ZHX1: variants seen among roughly 807,000 people sequenced by gnomAD.
ZHX1 encodes the protein zinc fingers and homeoboxes protein 1.
ZHX1 carries 20 observed loss-of-function variants against 61.8 expected under a neutral mutation model. The observed-to-expected ratio is 0.32, with a 90% CI of 0.23 to 0.47. The LOEUF (loss-of-function observed/expected upper bound fraction) is 0.47, where lower values mean the gene tolerates loss of function less well. ZHX1 is among the 20% of genes least tolerant of loss of function. The pLI is 1.00. For missense variants in ZHX1, 800 were observed against 1,034.8 expected, an observed-to-expected ratio of 0.77 and a Z score of 3.11; for synonymous variants, 318 against 352.6, an observed-to-expected ratio of 0.90 and a Z score of 1.10.
chr8:123,275,006 C>T (rs1586837993), upstream of ZHX1, among the ~76,000 whole-genome samples: 1 of 152,274 alleles, frequency 6.6e-6, no homozygotes, highest in African/African-American at 2.4e-5. Context: ...TCGCTTCGGA[C>T]CCCGCTCCTC....
chr8:123,275,203 C>T (rs947558608), upstream of ZHX1: 2 of 152,444 alleles, frequency 1.3e-5, no homozygotes, highest in African/African-American at 4.8e-5. Flanking sequence ...GAACCAGCCC[C>T]GCAGCGGGGC....
At chr8:123,272,517 T>C (rs1388356195) in intron 1 of ZHX1, among the ~76,000 whole-genome samples, 2 of 152,218 alleles carry the variant, frequency 1.3e-5, no homozygotes, top group African/African-American at 4.8e-5. Flanking sequence ...ATTGCTACTT[T>C]AGAAATTAAA....
Position 123,248,749 on chromosome 8 carries a change from T to C in ZHX1, c.*1575A>G, listed in dbSNP as rs892837830. On this transcript the variant is annotated 3_prime_UTR_variant, in exon 4 of 4. Coordinates refer to ENST00000395571, the MANE Select transcript of ZHX1 (RefSeq NM_007222.5). ...ACTCAGACCACATTAGCAATGTTTATAAAAGGGAGCAATTTAATCATTATA... is the reference window on the plus strand; with the variant it reads ...ACTCAGACCACATTAGCAATGTTTACAAAAGGGAGCAATTTAATCATTATA... 2.6e-5 allele frequency: 4 copies of C among 152,386 alleles called. No homozygotes were observed. Among genetic ancestry groups the C allele is most frequent in the Admixed American group, 1.3e-4 (2 of 15,252 alleles). The allele number at this position is 152,386 out of a possible 1,614,324, so 9.4% of individuals were successfully genotyped here.
In ZHX1 at chr8:123,253,897, A is replaced by G. The variant is rs746467900; in HGVS notation, c.2050T>C (p.Trp684Arg). The G allele has an allele frequency of 6.2e-7, 1 of 1,614,132 alleles. No individual in the cohort carries two copies. The highest frequency in any genetic ancestry group is 8.5e-7 in the Non-Finnish European group (1 of 1,180,010). The change falls in exon 3 of 4, where the codon TGG becomes CGG. Residue 684 changes from tryptophan (W) to arginine (R), a missense_variant. Transcript: ENST00000395571. ...TTGTCATACTCTTCTGGTGATGGCC[A>G]CTGTGTCCGGACAAATGCACTCTTA... ...MLKSAFVRTQ[W>R]PSPEEYDKLA...
At chr8:123,273,380 A>C (rs901342800) in intron 1 of ZHX1, among the ~76,000 whole-genome samples, 4 of 151,926 alleles carry the variant, frequency 2.6e-5, no homozygotes, top group Admixed American at 6.6e-5. Context: ...ATACCCCTTG[A>C]GGTATTAGTA....
chr8:123,262,210 G>T (rs1363089499), intron 2 of ZHX1, among the ~76,000 whole-genome samples: 1 of 152,078 alleles, frequency 6.6e-6, no homozygotes, highest in Admixed American at 6.5e-5. Context: ...TTTCAAAACT[G>T]CTTTCAGTTA....
intron 2 of ZHX1, among the ~76,000 whole-genome samples, chr8:123,258,234 C>T (rs1376034965): frequency 6.6e-6 from 1 of 152,118 alleles, no homozygotes; most frequent in Non-Finnish European, 1.5e-5. Context: ...CCTGGCACCT[C>T]CCCACTGTCT....
chr8:123,264,298 C>T (rs1401595559), intron 2 of ZHX1, among the ~76,000 whole-genome samples: 6 of 152,096 alleles, frequency 3.9e-5, no homozygotes, highest in African/African-American at 1.4e-4. Context: ...TGTTCTACTA[C>T]ATTTTAAAAA....
chr8:123,274,767 C>T (rs1368664543), upstream of ZHX1, among the ~76,000 whole-genome samples: 1 of 152,172 alleles, frequency 6.6e-6, no homozygotes, highest in East Asian at 1.9e-4. Context: ...CGGGTCAGCA[C>T]AGAAGGCAGC....
In ZHX1 at chr8:123,249,101, T is replaced by A. The variant is rs1825847924; in HGVS notation, c.*1223A>T. On this transcript the variant is annotated 3_prime_UTR_variant, in exon 4 of 4. Coordinates refer to ENST00000395571, the MANE Select transcript of ZHX1 (RefSeq NM_007222.5). ...ATTAAATTAGAGAAAATAAACTGGC[T>A]AAGCCTACATCTGGTCATTCAGAAA... 1 of 152,622 alleles carries A rather than the reference T, an allele frequency of 6.6e-6. No homozygotes were observed. The highest frequency in any genetic ancestry group is 1.5e-5 in the Non-Finnish European group (1 of 68,006). 9.5% of individuals were successfully genotyped at this position (152,622 alleles called of 1,614,324 possible).
chr8:123,253,111 AT>A, intron 3 of ZHX1: 1 of 424,778 alleles, frequency 2.4e-6, no homozygotes, highest in Non-Finnish European at 4.1e-6. Flanking sequence ...AAAAATAATA[AT>A]TAAGACATTA....
At chr8:123,266,534 T>C (rs1328245009) in intron 2 of ZHX1, among the ~76,000 whole-genome samples, 1 of 152,182 alleles carries the variant, frequency 6.6e-6, no homozygotes, top group East Asian at 1.9e-4. Context: ...TCTGGAATCA[T>C]CTAAAATAAC....
At chr8:123,250,361 A>G (rs368018422) in intron 3 of ZHX1, 41 bp from the exon 4 acceptor site, 29 of 378,456 alleles carry the variant, frequency 7.7e-5, no homozygotes, top group African/African-American at 6.2e-4. Flanking sequence ...AAATTTAAAG[A>G]AAACCATATT....
Position 123,255,613 on chromosome 8 carries a change from T to C in ZHX1, c.334A>G (p.Lys112Glu). The change falls in exon 3 of 4, where the codon AAA (lysine) becomes GAA (glutamate). Residue 112 changes from lysine to glutamate, a missense_variant. Physicochemically the swap from Lys to Glu is moderately conservative, Grantham distance 56. Coordinates refer to ENST00000395571, the MANE Select transcript of ZHX1 (RefSeq NM_007222.5). ...YVCVECNFLT[K>E]RYDALSEHNL... is the part of the protein sequence containing the mutation. ...TGCTCAGAAAGTGCATCATACCTTT[T>C]GGTAAGAAAATTGCATTCGACACAA... 1.9e-6 allele frequency: 3 copies of C among 1,613,556 alleles called. No homozygotes were observed. Among genetic ancestry groups the C allele is most frequent in the Non-Finnish European group, 2.5e-6 (3 of 1,180,014 alleles).
Position 123,253,939 on chromosome 8 carries a change from C to T in ZHX1, c.2008G>A (p.Glu670Lys). 6.2e-7 allele frequency: 1 copy of T among 1,614,214 alleles called. No individual in the cohort carries two copies. The stretch of plus-strand genomic sequence containing the variant: ...GCACTCTTAAGCATGTGCAGCTGCT[C>T]AGGTGTTTTTTTACATATCTTGCCT... The part of the protein sequence containing the change: ...STGKICKKTP[E>K]QLHMLKSAFV... Residue 670 changes from glutamate to lysine, a missense_variant, in exon 3 of 4, where the codon GAG (glutamate) becomes AAG (lysine). Transcript: ENST00000395571.
In ZHX1 at chr8:123,249,723, T is replaced by TA. The variant is rs1825864878; in HGVS notation, c.*600dup. 2.0e-5 allele frequency: 3 copies of TA among 152,152 alleles called. No homozygotes were observed. The allele number at this position is 152,152 out of a possible 1,614,324, so 9.4% of individuals were successfully genotyped here. A position where few individuals can be genotyped will look rare whatever the true frequency, so the allele number is the denominator to read the frequency against. ...AAGGGCCAGTGAAACCATAAAATCT[T>TA]ATTGTTTCAACATATATAAATAGGC... On this transcript the variant is annotated 3_prime_UTR_variant, in exon 4 of 4. Transcript: ENST00000395571.
chr8:123,253,529 TTTG>T lies in ZHX1; in HGVS notation c.2415_2417del (p.Asn805del), dbSNP rs775863776. The stretch of plus-strand genomic sequence containing the variant: ...TGACCTGCTCATAGCCCATATGTGA[TTTG>T]TTAACAAGTTCATCAAGGTCTTGCT... On this transcript the variant is annotated inframe_deletion, in exon 3 of 4. Transcript: ENST00000395571. 1.2e-6 allele frequency: 2 copies of T among 1,614,096 alleles called. No homozygotes were observed. The highest frequency in any genetic ancestry group is 2.7e-5 in the African/African-American group (2 of 74,942).
Position 123,248,967 on chromosome 8 carries a change from A to G in ZHX1, c.*1357T>C, listed in dbSNP as rs1393028453. The G allele has an allele frequency of 6.6e-6, 1 of 152,590 alleles. No homozygotes were observed. Among genetic ancestry groups the G allele is most frequent in the Non-Finnish European group, 1.5e-5 (1 of 68,008 alleles). The allele number at this position is 152,590 out of a possible 1,614,324, so 9.5% of individuals were successfully genotyped here. On this transcript the variant is annotated 3_prime_UTR_variant, in exon 4 of 4. Transcript: ENST00000395571. Reference sequence around the variant, plus strand: ...TGGAATTACTAATAAAGCTATAGTTAAAAAATAAAAAGTTTATAAAAATGA... The same window carrying G: ...TGGAATTACTAATAAAGCTATAGTTGAAAAATAAAAAGTTTATAAAAATGA...
chr8:123,254,290 C>T lies in ZHX1; in HGVS notation c.1657G>A (p.Gly553Ser), dbSNP rs1393355514. 1 of 1,614,058 alleles carries T rather than the reference C, an allele frequency of 6.2e-7. No homozygotes were observed. Residue 553 changes from glycine (G) to serine (S), a missense_variant, in exon 3 of 4, where the codon GGT (glycine) becomes AGT (serine). Physicochemically the swap from Gly to Ser is moderately conservative, Grantham distance 56. Transcript: ENST00000395571. This position sits in a 1 kb window ranked among gnomAD's most constrained non-coding sequence, Gnocchi z 4.1. The stretch of plus-strand genomic sequence containing the variant: ...CAGGATTGCTTAGGCTGTGCAGTAC[C>T]AACAGTTGGGGATTCCGTGGTTTCA... ...SDETTESPTV[G>S]TAQPKQSWNP... is the part of the protein sequence containing the mutation.
Sources: gnomAD v4.1 joint callset for allele counts (sites outside exome capture counted in the v4.1 genomes callset) on GRCh38, gnomAD v4.1.1 for gene constraint, Gnocchi (gnomAD v3.1) non-coding constraint, MANE v1.5 for transcripts, NCBI Gene and HGNC (gene_info 2026-07-23, HGNC 2026-07-21) for gene names.